ACBD6: variants seen among roughly 807,000 people sequenced by gnomAD.
ACBD6 encodes acyl-CoA-binding domain-containing protein 6.
A neutral mutation model predicts 37.2 loss-of-function variants in ACBD6; 28 were observed. The ratio of observed to expected loss-of-function variants is 0.75; its 90% confidence interval spans 0.56 to 1.03. The LOEUF is 1.03. Among genes scored for constraint, ACBD6 ranks in the 50% least tolerant of loss-of-function variants. ACBD6 has a pLI of 0.00. For synonymous variants in ACBD6, 113 were observed against 126.8 expected (o/e 0.89, Z 0.73); for missense variants, 340 against 337.4 (o/e 1.01, Z -0.06).
Position 180,302,653 on chromosome 1 carries a change from A to G in ACBD6, c.694+12039T>C, listed in dbSNP as rs535584139. Among the ~76,000 whole-genome samples, 4 of 152,050 alleles carry G rather than the reference A, an allele frequency of 2.6e-5. 1 individual carries two copies. The South Asian group carries it at 8.3e-4, about 32-fold the overall frequency. On this transcript the variant is annotated intron_variant, in intron 7 of 7. Coordinates refer to ENST00000367595, the MANE Select transcript of ACBD6 (RefSeq NM_032360.4). ...AGACTTAGACTCCCACACAATAATA[A>G]TGGGAGACTTTAACACCCCACTGTC...
chr1:180,442,689 T>G (rs575332366), intron 3 of ACBD6, among the ~76,000 whole-genome samples: 2 of 152,324 alleles, frequency 1.3e-5, no homozygotes, highest in East Asian at 3.9e-4. Context: ...TTGATTAGTT[T>G]CACTTGCTCC....
At chr1:180,333,838 G>C (rs1422151571) in intron 6 of ACBD6, among the ~76,000 whole-genome samples, 1 of 152,244 alleles carries the variant, frequency 6.6e-6, no homozygotes, top group East Asian at 1.9e-4. Context: ...TTTTCCAATG[G>C]TCTTAGCAAA....
chr1:180,443,061 T>C (rs1649344938), intron 3 of ACBD6, among the ~76,000 whole-genome samples: 1 of 152,200 alleles, frequency 6.6e-6, no homozygotes, highest in Non-Finnish European at 1.5e-5. Context: ...TTGTAATAAA[T>C]TTTACATTCT....
intron 6 of ACBD6, among the ~76,000 whole-genome samples, chr1:180,321,191 T>C (rs1311359087): frequency 6.6e-6 from 1 of 152,200 alleles, no homozygotes; most frequent in Non-Finnish European, 1.5e-5. Context: ...TTTGTTACTA[T>C]AGTTTTGTAG....
chr1:180,449,653 C>T (rs1473826880), intron 3 of ACBD6, among the ~76,000 whole-genome samples: 2 of 152,022 alleles, frequency 1.3e-5, no homozygotes, highest in East Asian at 3.9e-4. Flanking sequence ...AGTGATCTGC[C>T]CTCCTCGGCC....
chr1:180,411,519 CAAG>C (rs1432048922), intron 5 of ACBD6, among the ~76,000 whole-genome samples: 1 of 152,248 alleles, frequency 6.6e-6, no homozygotes, highest in Admixed American at 6.5e-5. Flanking sequence ...CCTTTTACCG[CAAG>C]AAGATTATGA....
intron 4 of ACBD6, among the ~76,000 whole-genome samples, chr1:180,425,434 G>T (rs1186824763): frequency 6.6e-6 from 1 of 152,148 alleles, no homozygotes; most frequent in Admixed American, 6.5e-5. Context: ...ACACAATGTT[G>T]ATCATAGGCA....
intron 1 of ACBD6, among the ~76,000 whole-genome samples, chr1:180,497,046 CTAAA>C (rs1204387633): frequency 6.6e-6 from 1 of 152,170 alleles, no homozygotes; most frequent in African/African-American, 2.4e-5. Context: ...GTCTTAAATG[CTAAA>C]TAGAGTCTGG....
intron 6 of ACBD6, among the ~76,000 whole-genome samples, chr1:180,391,349 T>C (rs146149991): frequency 6.6e-6 from 1 of 152,168 alleles, no homozygotes; most frequent in East Asian, 1.9e-4. Context: ...AAGGACACTA[T>C]CAAGCAAGTA....
At chr1:180,408,324 G>A (rs1028696371) in intron 5 of ACBD6, among the ~76,000 whole-genome samples, 1 of 152,114 alleles carries the variant, frequency 6.6e-6, no homozygotes, top group African/African-American at 2.4e-5. Context: ...ATACACCATG[G>A]AATACTATGC....
chr1:180,423,018 G>C (rs1648436528), intron 4 of ACBD6, among the ~76,000 whole-genome samples: 1 of 152,154 alleles, frequency 6.6e-6, no homozygotes, highest in Admixed American at 6.5e-5. Flanking sequence ...TGGTCTGCTA[G>C]TGTTTATGTG....
At chr1:180,499,660 A>C (rs1244297971) in intron 1 of ACBD6, among the ~76,000 whole-genome samples, 1 of 152,220 alleles carries the variant, frequency 6.6e-6, no homozygotes, top group South Asian at 2.1e-4. Flanking sequence ...GAATCATCAG[A>C]CATATTACAG....
At chr1:180,450,270 G>T (rs550991839) in intron 3 of ACBD6, among the ~76,000 whole-genome samples, 2 of 152,236 alleles carry the variant, frequency 1.3e-5, no homozygotes, top group South Asian at 4.1e-4. Context: ...TTCTGTAGTG[G>T]TCACACTATG....
chr1:180,280,832 T>C (rs1381373848), intron 9 of ACBD6, among the ~76,000 whole-genome samples: 1 of 152,182 alleles, frequency 6.6e-6, no homozygotes. Context: ...ACAATGTGGC[T>C]AGGAAGGGCT....
intron 3 of ACBD6, among the ~76,000 whole-genome samples, chr1:180,452,935 C>T (rs1274642819): frequency 2.0e-5 from 3 of 152,018 alleles, no homozygotes; most frequent in South Asian, 4.1e-4. Context: ...GCCTACCAAC[C>T]AAAAAAGGCC....
chr1:180,501,243 A>T (rs1651959078), intron 1 of ACBD6, among the ~76,000 whole-genome samples: 1 of 152,228 alleles, frequency 6.6e-6, no homozygotes, highest in African/African-American at 2.4e-5. Flanking sequence ...TATCAAACAG[A>T]AAGGAAGACA....
chr1:180,466,913 C>CAT lies in ACBD6; in HGVS notation c.384+25354_384+25355dup, dbSNP rs1650369861. On this transcript the variant is annotated intron_variant, in intron 3 of 7. Coordinates refer to ENST00000367595, the MANE Select transcript of ACBD6 (RefSeq NM_032360.4). ...ATAATGCCCCAGTTTAAGGTAAACC[C>CAT]ATATATATCTATATAAATATGTATA... 5.3e-5 allele frequency among the ~76,000 whole-genome samples: 8 copies of CAT among 152,018 alleles called. 1 individual carries two copies. The highest frequency in any genetic ancestry group is 3.4e-3 in the Middle Eastern group (1 of 292).
intron 3 of ACBD6, among the ~76,000 whole-genome samples, chr1:180,440,676 T>C (rs572814349): frequency 6.7e-6 from 1 of 148,820 alleles, no homozygotes; most frequent in South Asian, 2.2e-4. Flanking sequence ...CCCAAACCTT[T>C]AGCCTTGAAC....
intron 3 of ACBD6, among the ~76,000 whole-genome samples, chr1:180,437,900 A>C (rs1158983873): frequency 1.3e-5 from 2 of 152,162 alleles, no homozygotes; most frequent in African/African-American, 4.8e-5. Flanking sequence ...CATAGGAAAA[A>C]GCCAGTGCAA....
Sources: gnomAD v4.1 joint callset for allele counts (sites outside exome capture counted in the v4.1 genomes callset) on GRCh38, gnomAD v4.1.1 for gene constraint, MANE v1.5 for transcripts, NCBI Gene and HGNC (gene_info 2026-07-23, HGNC 2026-07-21) for gene names.